MTHFD2L: variants seen among roughly 807,000 people sequenced by gnomAD.
MTHFD2L encodes the protein methylenetetrahydrofolate dehydrogenase (NADP+ dependent) 2 like, also known as bifunctional methylenetetrahydrofolate dehydrogenase/cyclohydrolase 2, mitochondrial.
Under a neutral mutation model 34.9 loss-of-function variants are expected in MTHFD2L, and 29 were observed. The ratio of observed to expected loss-of-function variants is 0.83; its 90% CI spans 0.62 to 1.13. MTHFD2L has a LOEUF of 1.13. Ranked by LOEUF, MTHFD2L falls within the 50% of genes most tolerant of loss-of-function variation. The pLI is 0.00. For missense variants in MTHFD2L, 481 were observed against 446.5 expected (o/e 1.08, Z -0.70); for synonymous variants, 167 against 155.7 (o/e 1.07, Z -0.54).
intron 3 of MTHFD2L, among the ~76,000 whole-genome samples, chr4:74,188,881 T>C (rs982297663): frequency 6.6e-6 from 1 of 151,464 alleles, no homozygotes; most frequent in Admixed American, 6.6e-5. Flanking sequence ...ATGCCGTCTA[T>C]TATATTCAAA....
intron 3 of MTHFD2L, among the ~76,000 whole-genome samples, chr4:74,178,016 A>G (rs765192419): frequency 1.3e-5 from 2 of 150,738 alleles, no homozygotes; most frequent in Non-Finnish European, 3.0e-5. Context: ...AAAAACCTGC[A>G]TGATCTTACC....
chr4:74,217,547 A>T (rs1257496050), intron 5 of MTHFD2L, among the ~76,000 whole-genome samples: 1 of 151,780 alleles, frequency 6.6e-6, no homozygotes, highest in Non-Finnish European at 1.5e-5. Context: ...ATGAACTAAT[A>T]TATTGGGAAT....
At chr4:74,220,092 AT>A (rs35484581) in intron 5 of MTHFD2L, among the ~76,000 whole-genome samples, 2 of 148,188 alleles carry the variant, frequency 1.3e-5, no homozygotes, top group African/African-American at 4.9e-5. Flanking sequence ...TTTGGTTTTG[AT>A]TTTTTTTTTT....
At chr4:74,187,937 A>G (rs1731640985) in intron 3 of MTHFD2L, among the ~76,000 whole-genome samples, 1 of 152,194 alleles carries the variant, frequency 6.6e-6, no homozygotes, top group South Asian at 2.1e-4. Context: ...TTTATTTGTG[A>G]TAACTAAAAA....
intron 1 of MTHFD2L, among the ~76,000 whole-genome samples, chr4:74,159,272 A>G (rs763080087): frequency 6.6e-5 from 10 of 152,220 alleles, no homozygotes; most frequent in Non-Finnish European, 8.8e-5. Context: ...TTCCACAAGG[A>G]TATGTGAGAA....
At chr4:74,171,440 G>A (rs969815845) in intron 1 of MTHFD2L, among the ~76,000 whole-genome samples, 2 of 151,958 alleles carry the variant, frequency 1.3e-5, no homozygotes, top group African/African-American at 4.8e-5. Context: ...TAACGTAACA[G>A]TTTTTAACGT....
At chr4:74,143,480 G>T (rs1212049730) in intron 1 of MTHFD2L, 5 of 980,680 alleles carry the variant, frequency 5.1e-6, no homozygotes, top group Non-Finnish European at 6.1e-6. Flanking sequence ...ATGTGGAACT[G>T]TCTCAGGGGC....
chr4:74,210,245 C>T (rs936067929), intron 5 of MTHFD2L, among the ~76,000 whole-genome samples: 3 of 152,062 alleles, frequency 2.0e-5, no homozygotes, highest in African/African-American at 7.2e-5. Context: ...TTTGATGTTT[C>T]AGTCACGAAG....
intron 5 of MTHFD2L, among the ~76,000 whole-genome samples, chr4:74,222,337 G>C (rs1411477545): frequency 6.6e-6 from 1 of 152,068 alleles, no homozygotes; most frequent in East Asian, 1.9e-4. Context: ...AGATCAAGGT[G>C]CCAGCATCTG....
intron 6 of MTHFD2L, among the ~76,000 whole-genome samples, chr4:74,263,510 T>C (rs1411371833): frequency 6.6e-6 from 1 of 152,054 alleles, no homozygotes; most frequent in Non-Finnish European, 1.5e-5. Flanking sequence ...CTTTGAGCAA[T>C]GGTTAGTAGT....
chr4:74,196,797 T>A (rs897251684), intron 3 of MTHFD2L, among the ~76,000 whole-genome samples: 1 of 151,804 alleles, frequency 6.6e-6, no homozygotes, highest in African/African-American at 2.4e-5. Flanking sequence ...AATACAAAAA[T>A]TAACCAGGCA....
intron 1 of MTHFD2L, among the ~76,000 whole-genome samples, chr4:74,134,775 A>G (rs1722788518): frequency 6.6e-6 from 1 of 152,002 alleles, no homozygotes; most frequent in Non-Finnish European, 1.5e-5. Flanking sequence ...GGAAATTGAA[A>G]TAATGATAAG....
intron 6 of MTHFD2L, among the ~76,000 whole-genome samples, chr4:74,255,406 T>C (rs571975353): frequency 3.9e-5 from 6 of 152,182 alleles, no homozygotes; most frequent in African/African-American, 1.4e-4. Flanking sequence ...ACTACAAATA[T>C]CATTAGTCAC....
At chr4:74,171,433 C>T (rs1002905226) in intron 1 of MTHFD2L, among the ~76,000 whole-genome samples, 10 of 152,154 alleles carry the variant, frequency 6.6e-5, no homozygotes, top group East Asian at 1.9e-4. Flanking sequence ...GTTTTTGTAA[C>T]GTAACAGTTT....
upstream of MTHFD2L, among the ~76,000 whole-genome samples, chr4:74,118,585 A>T (rs1721695533): frequency 6.6e-6 from 1 of 152,200 alleles, no homozygotes; most frequent in Non-Finnish European, 1.5e-5. Context: ...AAATGAGATC[A>T]TGTGGATTGG....
chr4:74,165,322 C>G (rs1031930786), intron 1 of MTHFD2L, among the ~76,000 whole-genome samples: 1 of 152,030 alleles, frequency 6.6e-6, no homozygotes, highest in Non-Finnish European at 1.5e-5. Flanking sequence ...ACACCTTGAT[C>G]CTGATAATTT....
intron 1 of MTHFD2L, among the ~76,000 whole-genome samples, chr4:74,144,631 C>T (rs1051083641): frequency 2.0e-5 from 3 of 152,084 alleles, no homozygotes; most frequent in Non-Finnish European, 4.4e-5. Context: ...CTGGAAAATA[C>T]TTTACTATTT....
At chr4:74,215,334 C>G (rs760883452) in intron 5 of MTHFD2L, among the ~76,000 whole-genome samples, 41 of 151,892 alleles carry the variant, frequency 2.7e-4, no homozygotes, top group Middle Eastern at 3.4e-3. Context: ...CGTAGGCACC[C>G]GAGGGAATCT....
At chr4:74,123,778 T>C (rs1721882479), upstream of MTHFD2L, among the ~76,000 whole-genome samples, 1 of 152,124 alleles carries the variant, frequency 6.6e-6, no homozygotes, top group African/African-American at 2.4e-5. Flanking sequence ...TAAAACTTCA[T>C]GTTTTTCTTC....
Sources: gnomAD v4.1 joint callset for allele counts (sites outside exome capture counted in the v4.1 genomes callset) on GRCh38, gnomAD v4.1.1 for gene constraint, MANE v1.5 for transcripts, NCBI Gene and HGNC (gene_info 2026-07-23, HGNC 2026-07-21) for gene names.